Variants in ENTHD1 observed in about 807,000 individuals in gnomAD.
ENTHD1 encodes ENTH domain containing 1, also known as ENTH domain-containing protein 1.
A neutral mutation model predicts 39.1 loss-of-function variants in ENTHD1; 23 were observed. The ratio of observed to expected loss-of-function variants is 0.59; its 90% confidence interval spans 0.42 to 0.83. The LOEUF is 0.83. Ranked by LOEUF, ENTHD1 falls within the 40% of genes least tolerant of loss-of-function variation. The pLI, the probability that ENTHD1 is intolerant of heterozygous loss-of-function variation, is 0.00. For synonymous variants in ENTHD1, 230 were observed against 258.2 expected, an observed-to-expected ratio of 0.89 and a Z score of 1.05; for missense variants, 624 against 705.4, an observed-to-expected ratio of 0.88 and a Z score of 1.31.
At chr22:39,840,996 T>A (rs2065940266) in intron 3 of ENTHD1, among the ~76,000 whole-genome samples, 1 of 152,184 alleles carries the variant, frequency 6.6e-6, no homozygotes. Context: ...CACCTCGGCC[T>A]CCCAAAGTGC....
rs2066187741 is a variant in ENTHD1 at position 39,867,005 on chromosome 22, C to T, written c.350-4998G>A. 6.6e-6 allele frequency among the ~76,000 whole-genome samples: 1 copy of T among 152,014 alleles called. No homozygotes were observed. Among genetic ancestry groups the T allele is most frequent in the African/African-American group, 2.4e-5 (1 of 41,372 alleles). On this transcript the variant is annotated intron_variant, in intron 2 of 6. Coordinates refer to ENST00000325157, the MANE Select transcript of ENTHD1 (RefSeq NM_152512.4). This position sits in a 1 kb window ranked among gnomAD's most constrained non-coding sequence, Gnocchi z 4.5. ...GCCAGCTCTGCCTCCTGGGTTCAAGCGATTCTCCTGCCTCAGCCTCCGGAG... is the reference window on the plus strand; with the variant it reads ...GCCAGCTCTGCCTCCTGGGTTCAAGTGATTCTCCTGCCTCAGCCTCCGGAG...
At chr22:39,859,493 C>T (rs2066122239) in intron 3 of ENTHD1, among the ~76,000 whole-genome samples, 1 of 152,156 alleles carries the variant, frequency 6.6e-6, no homozygotes, top group Admixed American at 6.5e-5. Context: ...CTCTTCCTTA[C>T]ACTTGAACAC....
chr22:39,855,400 T>C (rs1286896239), intron 3 of ENTHD1, among the ~76,000 whole-genome samples: 1 of 152,184 alleles, frequency 6.6e-6, no homozygotes, highest in African/African-American at 2.4e-5. Context: ...TTACCATGCT[T>C]AATCTGTGTC....
At chr22:39,843,681 T>C (rs1475932601) in intron 3 of ENTHD1, among the ~76,000 whole-genome samples, 1 of 151,718 alleles carries the variant, frequency 6.6e-6, no homozygotes, top group African/African-American at 2.4e-5. Flanking sequence ...GCAAGCACAG[T>C]TGCAATAACT....
At chr22:39,753,923 T>C (rs1191540755) in intron 6 of ENTHD1, among the ~76,000 whole-genome samples, 1 of 152,208 alleles carries the variant, frequency 6.6e-6, no homozygotes, top group African/African-American at 2.4e-5. Context: ...GAAAATCCTC[T>C]TATTTTCTCC....
intron 6 of ENTHD1, among the ~76,000 whole-genome samples, chr22:39,756,814 C>T (rs1343081691): frequency 6.6e-6 from 1 of 152,030 alleles, no homozygotes; most frequent in Non-Finnish European, 1.5e-5. Flanking sequence ...ATAAAAGCTT[C>T]TAAGTATAAA....
At chr22:39,801,905 T>A (rs2065601668) in intron 5 of ENTHD1, among the ~76,000 whole-genome samples, 1 of 152,150 alleles carries the variant, frequency 6.6e-6, no homozygotes, top group Admixed American at 6.5e-5. Flanking sequence ...TTTTTTAATT[T>A]GTTTTTTCAA....
intron 5 of ENTHD1, among the ~76,000 whole-genome samples, chr22:39,803,005 C>G (rs187639956): frequency 2.0e-5 from 3 of 152,164 alleles, no homozygotes; most frequent in Non-Finnish European, 4.4e-5. Flanking sequence ...TGCTTCTGCT[C>G]GCACTTCCTC....
intron 5 of ENTHD1, among the ~76,000 whole-genome samples, chr22:39,811,183 C>T (rs2065683034): frequency 6.6e-6 from 1 of 152,234 alleles, no homozygotes; most frequent in African/African-American, 2.4e-5. Context: ...CATGTTATTG[C>T]ATCTTGAAAT....
At chr22:39,828,986 A>G (rs563848490) in intron 4 of ENTHD1, among the ~76,000 whole-genome samples, 2 of 152,338 alleles carry the variant, frequency 1.3e-5, no homozygotes, top group South Asian at 4.1e-4. Context: ...GTTTCTACTT[A>G]CATTTTTAAG....
At chr22:39,802,061 A>G (rs778634419) in intron 5 of ENTHD1, among the ~76,000 whole-genome samples, 3 of 152,168 alleles carry the variant, frequency 2.0e-5, no homozygotes, top group Non-Finnish European at 4.4e-5. Context: ...ATGTAACAAG[A>G]CATCTAAAAT....
intron 6 of ENTHD1, among the ~76,000 whole-genome samples, chr22:39,748,039 A>G (rs529468821): frequency 1.8e-4 from 27 of 152,126 alleles, no homozygotes; most frequent in Admixed American, 1.2e-3. Flanking sequence ...GCTTGGGCCC[A>G]GGAATTTGAG....
chr22:39,831,788 T>A (rs547629328), intron 4 of ENTHD1, among the ~76,000 whole-genome samples: 214 of 152,164 alleles, frequency 1.4e-3, no homozygotes, highest in Non-Finnish European at 2.4e-3. Flanking sequence ...ATCATGCCAC[T>A]ACACTCCAGC....
intron 5 of ENTHD1, among the ~76,000 whole-genome samples, chr22:39,790,915 C>T (rs1398275600): frequency 6.6e-6 from 1 of 152,180 alleles, no homozygotes; most frequent in Non-Finnish European, 1.5e-5. Flanking sequence ...ACTAGATTCT[C>T]CCTCTTCCAC....
chr22:39,807,871 GTA>G (rs199742166), intron 5 of ENTHD1, among the ~76,000 whole-genome samples: 9 of 151,156 alleles, frequency 6.0e-5, no homozygotes, highest in Non-Finnish European at 1.2e-4. Flanking sequence ...GTGTGTGTGT[GTA>G]TATATATATA....
intron 5 of ENTHD1, among the ~76,000 whole-genome samples, chr22:39,772,481 A>C (rs1189123410): frequency 6.6e-6 from 1 of 152,196 alleles, no homozygotes; most frequent in African/African-American, 2.4e-5. Flanking sequence ...TGAATACCTA[A>C]AGGTGTATAA....
At chr22:39,753,534 G>A (rs1194777597) in intron 6 of ENTHD1, among the ~76,000 whole-genome samples, 1 of 152,164 alleles carries the variant, frequency 6.6e-6, no homozygotes, top group Non-Finnish European at 1.5e-5. Flanking sequence ...ACTAAAATAT[G>A]AGCATACAAG....
At chr22:39,760,028 T>G (rs1334125844) in intron 6 of ENTHD1, among the ~76,000 whole-genome samples, 1 of 152,064 alleles carries the variant, frequency 6.6e-6, no homozygotes, top group Non-Finnish European at 1.5e-5. Flanking sequence ...TTTTTAATGA[T>G]GCAGTATGTG....
chr22:39,779,326 G>A (rs2065389918), intron 5 of ENTHD1, among the ~76,000 whole-genome samples: 1 of 152,022 alleles, frequency 6.6e-6, no homozygotes. Flanking sequence ...GGGCGACAGA[G>A]CAAGACTCTG....
Sources: gnomAD v4.1 joint callset for allele counts (sites outside exome capture counted in the v4.1 genomes callset) on GRCh38, gnomAD v4.1.1 for gene constraint, Gnocchi (gnomAD v3.1) non-coding constraint, MANE v1.5 for transcripts, NCBI Gene and HGNC (gene_info 2026-07-23, HGNC 2026-07-21) for gene names.